Variants in SLC4A8 observed in about 807,000 individuals in gnomAD.
SLC4A8 encodes solute carrier family 4 member 8.
SLC4A8 carries 40 observed loss-of-function variants against 125.0 expected under a neutral mutation model. That is an observed-to-expected ratio of 0.32 (90% CI 0.25 to 0.42). The LOEUF is 0.42. Among genes scored for constraint, SLC4A8 ranks in the 10% least tolerant of loss-of-function variants. The pLI is 1.00. For synonymous variants in SLC4A8, 456 were observed against 476.0 expected (o/e 0.96, Z 0.55); for missense variants, 863 against 1,355.1 (o/e 0.64, Z 5.70).
At chr12:51,444,443 T>C (rs534987216) in intron 2 of SLC4A8, among the ~76,000 whole-genome samples, 1 of 152,190 alleles carries the variant, frequency 6.6e-6, no homozygotes, top group African/African-American at 2.4e-5. Flanking sequence ...AGACAGGCAT[T>C]GCGATTGGCT....
In SLC4A8 at chr12:51,512,222, A is replaced by T. The variant is rs1315662613; in HGVS notation, c.*4784A>T. The T allele has an allele frequency of 2.0e-5, 3 of 152,248 alleles. No homozygotes were observed. The highest frequency in any genetic ancestry group is 4.8e-5 in the African/African-American group (2 of 41,446). The allele number at this position is 152,248 out of a possible 1,614,324, so 9.4% of individuals were successfully genotyped here. On this transcript the variant is annotated 3_prime_UTR_variant, in exon 25 of 25. Transcript: ENST00000453097. Reference sequence around the variant, plus strand: ...GTGCCACACATTATCACTGTACAGCATTAACAAGGCTGGAATATGGCCCTC... The same window carrying T: ...GTGCCACACATTATCACTGTACAGCTTTAACAAGGCTGGAATATGGCCCTC...
At chr12:51,502,966 C>T (rs1302707034) in intron 22 of SLC4A8, among the ~76,000 whole-genome samples, 2 of 151,702 alleles carry the variant, frequency 1.3e-5, no homozygotes, top group Non-Finnish European at 2.9e-5. Flanking sequence ...CTCAGCCTCC[C>T]GAGTAGCTGG....
At chr12:51,462,121 T>C in intron 9 of SLC4A8, 189 bp from the exon 10 acceptor site, 1 of 593,248 alleles carries the variant, frequency 1.7e-6, no homozygotes, top group South Asian at 2.0e-5. Context: ...TTAATGCATC[T>C]CATTTCCACG....
intron 16 of SLC4A8, among the ~76,000 whole-genome samples, chr12:51,482,343 T>A (rs943410336): frequency 6.6e-6 from 1 of 152,156 alleles, no homozygotes; most frequent in Admixed American, 6.5e-5. Flanking sequence ...ATTTTTTATG[T>A]GGCTACTAAA....
chr12:51,452,124 A>G lies in SLC4A8; in HGVS notation c.278A>G (p.Asp93Gly). The G allele has an allele frequency of 4.3e-6, 7 of 1,614,174 alleles. No individual in the cohort carries two copies. The highest frequency in any genetic ancestry group is 5.9e-6 in the Non-Finnish European group (7 of 1,180,006). ...GEEGLEALAHDTPSQRVQFIL... is the reference protein window; with the variant it reads ...GEEGLEALAHGTPSQRVQFIL... The stretch of plus-strand genomic sequence containing the variant: ...CCTTTCTCTTTGGTTGATTTCCTAG[A>G]CACACCATCTCAGCGTGTTCAGTTC... Residue 93 changes from aspartate to glycine, a missense_variant and splice_region_variant, in exon 4 of 25, where the codon GAC (aspartate) becomes GGC (glycine). Coordinates refer to ENST00000453097, the MANE Select transcript of SLC4A8 (RefSeq NM_001039960.3).
At chr12:51,501,020 C>T (rs1592279552) in intron 22 of SLC4A8, among the ~76,000 whole-genome samples, 1 of 152,022 alleles carries the variant, frequency 6.6e-6, no homozygotes, top group African/African-American at 2.4e-5. Flanking sequence ...TAGTAGAGAC[C>T]GGGTTTCACG....
chr12:51,486,735 C>T (rs1276410241), intron 17 of SLC4A8, among the ~76,000 whole-genome samples: 1 of 152,210 alleles, frequency 6.6e-6, no homozygotes, highest in Non-Finnish European at 1.5e-5. Context: ...CAGTCCCTGA[C>T]TTGCAAATGC....
At chr12:51,443,199 G>A (rs1949656469) in intron 2 of SLC4A8, among the ~76,000 whole-genome samples, 1 of 152,104 alleles carries the variant, frequency 6.6e-6, no homozygotes, top group Non-Finnish European at 1.5e-5. Flanking sequence ...TTAGCCCACT[G>A]TAGCCTTGAC....
intron 22 of SLC4A8, 98 bp from the exon 23 acceptor site, chr12:51,503,931 G>A (rs766111765): frequency 1.6e-4 from 106 of 672,886 alleles, no homozygotes; most frequent in Non-Finnish European, 2.1e-4. Context: ...TATAATAAAT[G>A]CACAATGAAA....
intron 1 of SLC4A8, among the ~76,000 whole-genome samples, chr12:51,410,141 A>G (rs1031936106): frequency 6.6e-6 from 1 of 152,324 alleles, no homozygotes; most frequent in East Asian, 1.9e-4. Flanking sequence ...CAAGCACATA[A>G]TTAGATAAGC....
chr12:51,408,506 G>A (rs4761962), intron 1 of SLC4A8, among the ~76,000 whole-genome samples: 61,095 of 151,966 alleles, frequency 0.4, 12,491 homozygotes, highest in Admixed American at 0.45. Context: ...GAAAGTGCTG[G>A]GATTACAGAC....
intron 1 of SLC4A8, among the ~76,000 whole-genome samples, chr12:51,438,123 CATTT>C (rs1949477292): frequency 6.6e-6 from 1 of 152,172 alleles, no homozygotes; most frequent in African/African-American, 2.4e-5. Context: ...TCATTTAAAA[CATTT>C]ATTATTTCTT....
At position 51,511,298 on chromosome 12, in the gene SLC4A8, A is replaced by C. The variant is rs998010379; in HGVS notation, c.*3860A>C. ...AATTGCCTTCACGTAGGGAAACCACATGGGACTGATAGCTTTCTCAAGGGA... is the reference window on the plus strand; with the variant it reads ...AATTGCCTTCACGTAGGGAAACCACCTGGGACTGATAGCTTTCTCAAGGGA... On this transcript the variant is annotated 3_prime_UTR_variant, in exon 25 of 25. Coordinates refer to ENST00000453097, the MANE Select transcript of SLC4A8 (RefSeq NM_001039960.3). 1 of 152,220 alleles carries C rather than the reference A, an allele frequency of 6.6e-6. No homozygotes were observed. The highest frequency in any genetic ancestry group is 2.1e-4 in the South Asian group (1 of 4,834). The allele number at this position is 152,220 out of a possible 1,614,324, so 9.4% of individuals were successfully genotyped here. A position where few individuals can be genotyped will look rare whatever the true frequency, so the allele number is the denominator to read the frequency against.
At chr12:51,436,536 A>G (rs1225904719) in intron 1 of SLC4A8, among the ~76,000 whole-genome samples, 2 of 152,112 alleles carry the variant, frequency 1.3e-5, no homozygotes, top group Non-Finnish European at 2.9e-5. Context: ...TGTCTCTTCC[A>G]TCTTATTCCC....
intron 19 of SLC4A8, among the ~76,000 whole-genome samples, chr12:51,491,958 A>G (rs1951330530): frequency 1.3e-5 from 2 of 152,216 alleles, no homozygotes; most frequent in African/African-American, 4.8e-5. Flanking sequence ...AAATCCAATT[A>G]TAGGTGGCTA....
In SLC4A8 at chr12:51,493,763, G is replaced by A; in HGVS notation, c.2760G>A (p.Gln920=). The change falls in exon 20 of 25, where the codon CAG becomes CAA. Residue 920 remains glutamine, a synonymous_variant. Transcript: ENST00000453097. ...VFLYMGVSSL[Q]GIQFFDRLKL... is the part of the protein sequence containing the mutation. The stretch of plus-strand genomic sequence containing the variant: ...TTTACATGGGAGTTTCTTCACTACA[G>A]GGAATTCAGGTATTGTATGGTTCAG... 1 of 1,599,438 alleles carries A rather than the reference G, an allele frequency of 6.3e-7. No homozygotes were observed. Among genetic ancestry groups the A allele is most frequent in the Non-Finnish European group, 8.6e-7 (1 of 1,166,556 alleles).
chr12:51,411,910 A>T (rs919837810), intron 1 of SLC4A8, among the ~76,000 whole-genome samples: 16 of 151,890 alleles, frequency 1.1e-4, no homozygotes, highest in African/African-American at 3.6e-4. Context: ...AAAAATACAA[A>T]AATTAGCTGG....
chr12:51,448,906 G>T (rs900932817), intron 2 of SLC4A8, among the ~76,000 whole-genome samples: 3 of 152,148 alleles, frequency 2.0e-5, no homozygotes, highest in Non-Finnish European at 4.4e-5. Context: ...GAAGGAAAGA[G>T]GAAACAGCAG....
Position 51,489,768 on chromosome 12 carries a change from C to T in SLC4A8, c.2517C>T (p.Gly839=). 1 of 1,614,196 alleles carries T rather than the reference C, an allele frequency of 6.2e-7. No individual in the cohort carries two copies. Among genetic ancestry groups the T allele is most frequent in the Non-Finnish European group, 8.5e-7 (1 of 1,180,018 alleles). ...TGCTGGGTGTCTGCTCCATCATGGG[C>T]CTGCCCTGGTTTGTAGCTGCAACTG... ...AIMLGVCSIM[G]LPWFVAATVL... The change falls in exon 19 of 25, where the codon GGC becomes GGT. Residue 839 remains glycine (G), a synonymous_variant. Coordinates refer to ENST00000453097, the MANE Select transcript of SLC4A8 (RefSeq NM_001039960.3).
Sources: allele counts gnomAD v4.1 joint callset (sites outside exome capture counted in the v4.1 genomes callset), GRCh38; gene constraint gnomAD v4.1.1; transcripts MANE v1.5; gene names NCBI Gene and HGNC (gene_info 2026-07-23, HGNC 2026-07-21).